The following LPXN variants were observed in gnomAD, a reference collection of about 807,000 sequenced individuals.
The protein encoded by LPXN is leupaxin.
In LPXN, 28 loss-of-function variants were observed where a neutral mutation model predicts 45.6. That is an observed-to-expected ratio of 0.61 (90% CI 0.45 to 0.84). The LOEUF is 0.84. Ranked by LOEUF, LPXN falls within the 40% of genes least tolerant of loss-of-function variation. The pLI, the probability that LPXN is intolerant of heterozygous loss-of-function variation, is 0.00. For missense variants in LPXN, 459 were observed against 475.0 expected, an observed-to-expected ratio of 0.97 and a Z score of 0.31; for synonymous variants, 166 against 169.9, an observed-to-expected ratio of 0.98 and a Z score of 0.18.
Position 58,570,311 on chromosome 11 carries a change from AAAAAAAAATAAAAAAAAT to A in LPXN, c.171+227_171+244del, listed in dbSNP as rs1186503959. Among the ~76,000 whole-genome samples, 20 of 150,364 alleles carry A rather than the reference AAAAAAAAATAAAAAAAAT, an allele frequency of 1.3e-4. No individual in the cohort carries two copies. In the South Asian group the frequency reaches 2.7e-3, roughly 20 times the overall value. ...GAGTGTGACTCTGTCTCAAAAAATA[AAAAAAAAATAAAAAAAAT>A]AAAAAAAATAAAAAAAATTTAGTTC... On this transcript the variant is annotated intron_variant, in intron 2 of 8. Coordinates refer to ENST00000395074, the MANE Select transcript of LPXN (RefSeq NM_004811.3).
In LPXN at chr11:58,575,748, C is replaced by A; in HGVS notation, c.13+12G>T. 3.1e-6 allele frequency: 5 copies of A among 1,614,186 alleles called. No individual in the cohort carries two copies. Among genetic ancestry groups the A allele is most frequent in the Non-Finnish European group, 4.2e-6 (5 of 1,180,024 alleles). On this transcript the variant is annotated intron_variant, in intron 1 of 8. Coordinates refer to ENST00000395074, the MANE Select transcript of LPXN (RefSeq NM_004811.3). ...CACTCCCTCAGAGTTTCTCCTCAGG[C>A]TCCTCACTCACCTAACTCTTCCATT...
At chr11:58,550,652 T>C (rs911869885) in intron 5 of LPXN, among the ~76,000 whole-genome samples, 4 of 152,120 alleles carry the variant, frequency 2.6e-5, no homozygotes, top group African/African-American at 7.2e-5. Flanking sequence ...CAGCTGAAAA[T>C]TGTAATCAAT....
intron 3 of LPXN, among the ~76,000 whole-genome samples, chr11:58,557,768 C>T (rs1314143154): frequency 1.3e-5 from 2 of 152,020 alleles, no homozygotes; most frequent in African/African-American, 4.8e-5. Context: ...TGTTAATTTG[C>T]CTCACTATAG....
chr11:58,571,269 G>A (rs1327984707), intron 1 of LPXN, among the ~76,000 whole-genome samples: 1 of 152,032 alleles, frequency 6.6e-6, no homozygotes, highest in Non-Finnish European at 1.5e-5. Context: ...GAGCCTAGGT[G>A]AGCCTGCGAT....
chr11:58,536,298 G>C (rs1183382105), intron 7 of LPXN, among the ~76,000 whole-genome samples: 1 of 152,130 alleles, frequency 6.6e-6, no homozygotes, highest in Non-Finnish European at 1.5e-5. Flanking sequence ...CATGGTACTG[G>C]TACCAAAACA....
At chr11:58,574,305 C>G (rs892670649) in intron 1 of LPXN, among the ~76,000 whole-genome samples, 1 of 152,124 alleles carries the variant, frequency 6.6e-6, no homozygotes, top group South Asian at 2.1e-4. Context: ...ACACCAGAAC[C>G]AATAAACTTC....
chr11:58,571,845 G>A (rs1043781833), intron 1 of LPXN, among the ~76,000 whole-genome samples: 2 of 152,146 alleles, frequency 1.3e-5, no homozygotes, highest in African/African-American at 2.4e-5. Context: ...TCACAAGAAA[G>A]AGACAAAAAT....
chr11:58,558,405 C>T (rs558997395), intron 3 of LPXN, among the ~76,000 whole-genome samples: 20 of 151,610 alleles, frequency 1.3e-4, no homozygotes, highest in African/African-American at 4.6e-4. Context: ...GATGTGGTAG[C>T]ACACATCTGT....
chr11:58,577,246 T>C (rs139410660), upstream of LPXN, among the ~76,000 whole-genome samples: 69 of 152,332 alleles, frequency 4.5e-4, 1 homozygote, highest in Non-Finnish European at 7.8e-4. Context: ...AAACTCAATC[T>C]TAAAAAATTT....
At position 58,527,218 on chromosome 11, in the gene LPXN, C is replaced by T; in HGVS notation, c.*236G>A. 2.1e-6 allele frequency: 1 copy of T among 481,304 alleles called. No homozygotes were observed. The highest frequency in any genetic ancestry group is 3.6e-5 in the East Asian group (1 of 27,986). The allele number at this position is 481,304 out of a possible 1,614,324, so 29.8% of individuals were successfully genotyped here. A position where few individuals can be genotyped will look rare whatever the true frequency, so the allele number is the denominator to read the frequency against. On this transcript the variant is annotated 3_prime_UTR_variant, in exon 9 of 9. Coordinates refer to ENST00000395074, the MANE Select transcript of LPXN (RefSeq NM_004811.3). ...AAGGACCTAGATCTAACTCCAAGTG[C>T]TTGATTGGAGAAGAGAGGGAGAAAG...
At position 58,528,162 on chromosome 11, in the gene LPXN, A is replaced by C; in HGVS notation, c.772T>G (p.Cys258Gly). Residue 258 changes from cysteine to glycine, a missense_variant, in exon 8 of 9, where the codon TGC (cysteine) becomes GGC (glycine). By Grantham distance (159) the Cys-to-Gly change is radical. Coordinates refer to ENST00000395074, the MANE Select transcript of LPXN (RefSeq NM_004811.3). ...AACATGGCTAAGAAATCCTTTCGGC[A>C]ATATGGCTTCTTGTCCTTCTCATGA... ...GFHEKDKKPY[C>G]RKDFLAMFSP... 2 of 1,614,212 alleles carry C rather than the reference A, an allele frequency of 1.2e-6. No homozygotes were observed. Among genetic ancestry groups the C allele is most frequent in the African/African-American group, 2.7e-5 (2 of 75,056 alleles).
intron 4 of LPXN, among the ~76,000 whole-genome samples, chr11:58,552,725 CTTCTCTAATATATGTTAGTTAATAT>C (rs1417021716): frequency 2.0e-5 from 3 of 152,314 alleles, no homozygotes; most frequent in Non-Finnish European, 4.4e-5. Context: ...GACATCCTTC[CTTCTCTAATATATGTTAGTTAATAT>C]TCAAGAGGTT....
In LPXN at chr11:58,575,801, A is replaced by T. The variant is rs1854869672; in HGVS notation, c.-29T>A. Reference sequence around the variant, plus strand: ...CCTACATCCAAGATGCTCTTGTCTCACAGGCCGTGAGGAACAGCTTTGGCA... The same window carrying T: ...CCTACATCCAAGATGCTCTTGTCTCTCAGGCCGTGAGGAACAGCTTTGGCA... On this transcript the variant is annotated 5_prime_UTR_variant, in exon 1 of 9. It introduces an in-frame stop codon into an upstream open reading frame of the 5' UTR. Transcript: ENST00000395074. The T allele has an allele frequency of 6.2e-7, 1 of 1,614,178 alleles. No homozygotes were observed. Among genetic ancestry groups the T allele is most frequent in the Non-Finnish European group, 8.5e-7 (1 of 1,180,024 alleles).
chr11:58,574,137 G>GT (rs1854803409), intron 1 of LPXN, among the ~76,000 whole-genome samples: 2 of 152,384 alleles, frequency 1.3e-5, no homozygotes, highest in East Asian at 3.9e-4. Context: ...TCAACAGCCT[G>GT]TGGAGACGTA....
At chr11:58,563,309 T>A (rs1235129807) in intron 3 of LPXN, among the ~76,000 whole-genome samples, 1 of 152,192 alleles carries the variant, frequency 6.6e-6, no homozygotes, top group Non-Finnish European at 1.5e-5. Flanking sequence ...TGGCAATATG[T>A]ATCAATAAAT....
intron 7 of LPXN, among the ~76,000 whole-genome samples, chr11:58,533,077 C>T (rs900908643): frequency 3.9e-5 from 6 of 152,072 alleles, no homozygotes; most frequent in African/African-American, 1.4e-4. Context: ...CTGAAGCCAG[C>T]GAAACCACAA....
intron 7 of LPXN, among the ~76,000 whole-genome samples, chr11:58,542,707 A>T (rs905637490): frequency 6.6e-6 from 1 of 152,044 alleles, no homozygotes; most frequent in South Asian, 2.1e-4. Flanking sequence ...ATAATTGATA[A>T]TGTTAAAATT....
chr11:58,578,505 T>G (rs879528156), upstream of LPXN, among the ~76,000 whole-genome samples: 6 of 152,162 alleles, frequency 3.9e-5, no homozygotes, highest in Non-Finnish European at 8.8e-5. Context: ...TTCAGAGACT[T>G]TCATCCGGCA....
At chr11:58,578,012 C>A (rs1329595068), upstream of LPXN, 2 of 1,550,964 alleles carry the variant, frequency 1.3e-6, no homozygotes, top group Non-Finnish European at 8.7e-7. Flanking sequence ...GTGAGTGACT[C>A]ACACACCGGA....
Sources: allele counts gnomAD v4.1 joint callset (sites outside exome capture counted in the v4.1 genomes callset), GRCh38; gene constraint gnomAD v4.1.1; transcripts MANE v1.5; gene names NCBI Gene and HGNC (gene_info 2026-07-23, HGNC 2026-07-21).